Variants in TENM4 observed in about 807,000 individuals in gnomAD.
TENM4 encodes the protein teneurin transmembrane protein 4, also known as teneurin-4.
A neutral mutation model predicts 243.3 loss-of-function variants in TENM4; 82 were observed. The ratio of observed to expected loss-of-function variants is 0.34; its 90% CI spans 0.28 to 0.40. The LOEUF is 0.40. Ranked by LOEUF, TENM4 falls within the 10% of genes least tolerant of loss-of-function variation. The pLI is 1.00. For synonymous variants in TENM4, 1,412 were observed against 1,456.3 expected (o/e 0.97, Z 0.69); for missense variants, 3,138 against 3,673.3 (o/e 0.85, Z 3.77).
At chr11:79,319,549 A>C (rs1168783034) in intron 1 of TENM4, among the ~76,000 whole-genome samples, 2 of 152,162 alleles carry the variant, frequency 1.3e-5, no homozygotes, top group Non-Finnish European at 2.9e-5. Context: ...TGTGCAACTT[A>C]ATGTTGTTCC....
At chr11:79,060,222 G>A (rs552332882) in intron 6 of TENM4, among the ~76,000 whole-genome samples, 4 of 152,358 alleles carry the variant, frequency 2.6e-5, no homozygotes, top group East Asian at 1.9e-4. Flanking sequence ...GGCCTCTCAC[G>A]GCAGGGGAGG....
At chr11:79,298,391 T>TAC (rs1311235442) in intron 1 of TENM4, among the ~76,000 whole-genome samples, 1 of 150,462 alleles carries the variant, frequency 6.6e-6, no homozygotes, top group Admixed American at 6.6e-5. Context: ...GGCGGGCGCC[T>TAC]GTAGTCCCAG....
intron 4 of TENM4, among the ~76,000 whole-genome samples, chr11:79,099,944 C>T (rs1464190535): frequency 2.0e-5 from 3 of 152,186 alleles, no homozygotes; most frequent in Non-Finnish European, 4.4e-5. Context: ...TTTGCTGCCC[C>T]AAGTATGGGG....
intron 7 of TENM4, among the ~76,000 whole-genome samples, chr11:78,894,237 C>T (rs965894254): frequency 2.6e-5 from 4 of 152,098 alleles, no homozygotes; most frequent in Non-Finnish European, 5.9e-5. Flanking sequence ...ACTCCTGCTG[C>T]CCCCCGGGAC....
intron 3 of TENM4, among the ~76,000 whole-genome samples, chr11:79,183,754 T>C (rs1565239570): frequency 6.6e-6 from 1 of 152,054 alleles, no homozygotes; most frequent in Non-Finnish European, 1.5e-5. Context: ...ATAAAATGAA[T>C]GAACGAATGA....
At chr11:79,085,099 G>A (rs1325660376) in intron 4 of TENM4, among the ~76,000 whole-genome samples, 2 of 152,016 alleles carry the variant, frequency 1.3e-5, no homozygotes, top group Non-Finnish European at 2.9e-5. Flanking sequence ...TTGGCCGGGT[G>A]TAGTGGCTCA....
intron 28 of TENM4, among the ~76,000 whole-genome samples, chr11:78,701,097 T>C (rs1859091468): frequency 6.6e-6 from 1 of 152,176 alleles, no homozygotes; most frequent in Admixed American, 6.5e-5. Context: ...AGAGCTTCAA[T>C]TATGTGGAAA....
intron 1 of TENM4, among the ~76,000 whole-genome samples, chr11:79,409,842 G>A (rs896841146): frequency 7.9e-5 from 12 of 152,168 alleles, no homozygotes; most frequent in African/African-American, 2.7e-4. Flanking sequence ...GCCCCTGATG[G>A]AACAATAGTC....
chr11:79,346,574 T>C (rs1332054068), intron 1 of TENM4, among the ~76,000 whole-genome samples: 1 of 152,202 alleles, frequency 6.6e-6, no homozygotes, highest in East Asian at 1.9e-4. Flanking sequence ...TATTTATTAC[T>C]GTTATTGCCA....
intron 4 of TENM4, among the ~76,000 whole-genome samples, chr11:79,072,049 A>T (rs970217314): frequency 2.0e-5 from 3 of 152,162 alleles, no homozygotes; most frequent in African/African-American, 7.2e-5. Flanking sequence ...GAGCTCTGCC[A>T]TCCTGATGCT....
In TENM4 at chr11:78,944,796, G is replaced by T. The variant is rs375784867; in HGVS notation, c.494-41273C>A. 1.6e-4 allele frequency among the ~76,000 whole-genome samples: 25 copies of T among 152,284 alleles called. No individual in the cohort carries two copies. In the South Asian group the frequency reaches 4.4e-3, roughly 27 times the overall value. ...CTGTATCTTCACTTCCCTTTGCTGG[G>T]TCAGTATTATTATGCCTTATTTTAC... is the stretch of plus-strand genomic sequence containing the variant. On this transcript the variant is annotated intron_variant, in intron 6 of 33. Transcript: ENST00000278550.
intron 1 of TENM4, among the ~76,000 whole-genome samples, chr11:79,377,295 C>T (rs1857910446): frequency 6.6e-6 from 1 of 152,202 alleles, no homozygotes; most frequent in Admixed American, 6.5e-5. Flanking sequence ...TATTGTTCTA[C>T]ATCACCAAGT....
intron 6 of TENM4, among the ~76,000 whole-genome samples, chr11:78,940,786 G>C (rs183947506): frequency 6.6e-6 from 1 of 152,174 alleles, no homozygotes; most frequent in Non-Finnish European, 1.5e-5. Context: ...GCATCTCAGG[G>C]CCTGGATTGT....
At chr11:78,909,915 A>G (rs2136347761) in intron 6 of TENM4, among the ~76,000 whole-genome samples, 1 of 152,294 alleles carries the variant, frequency 6.6e-6, no homozygotes, top group South Asian at 2.1e-4. Flanking sequence ...GGGGGGTCAC[A>G]TTAGTATGTG....
intron 19 of TENM4, among the ~76,000 whole-genome samples, chr11:78,751,561 T>G (rs578195730): frequency 1.3e-5 from 2 of 152,298 alleles, no homozygotes; most frequent in African/African-American, 4.8e-5. Context: ...CTCAAACCTA[T>G]TCTGAATCTA....
intron 28 of TENM4, among the ~76,000 whole-genome samples, chr11:78,699,266 T>C (rs1229739282): frequency 6.6e-6 from 1 of 152,222 alleles, no homozygotes; most frequent in African/African-American, 2.4e-5. Context: ...TACATAACTA[T>C]TGTCATCCCT....
At chr11:78,903,704 G>C in intron 6 of TENM4, 181 bp from the exon 7 acceptor site, 1 of 1,029,224 alleles carries the variant, frequency 9.7e-7, no homozygotes, top group South Asian at 1.4e-5. Context: ...CTAGGTGCTA[G>C]GGATACCTTA....
intron 15 of TENM4, among the ~76,000 whole-genome samples, chr11:78,796,308 T>C (rs1173181483): frequency 6.6e-6 from 1 of 152,054 alleles, no homozygotes; most frequent in Non-Finnish European, 1.5e-5. Context: ...TGCAGAAGGA[T>C]AACAAGTCAG....
chr11:78,838,205 C>T (rs1858163309), intron 12 of TENM4, among the ~76,000 whole-genome samples: 1 of 152,086 alleles, frequency 6.6e-6, no homozygotes, highest in Non-Finnish European at 1.5e-5. Flanking sequence ...TTATTGCGTA[C>T]TATACATTTT....
Sources: allele counts gnomAD v4.1 joint callset (sites outside exome capture counted in the v4.1 genomes callset), GRCh38; gene constraint gnomAD v4.1.1; transcripts MANE v1.5; gene names NCBI Gene and HGNC (gene_info 2026-07-23, HGNC 2026-07-21).